ZDHHC21: variants seen among roughly 807,000 people sequenced by gnomAD.
The protein encoded by ZDHHC21 is palmitoyltransferase ZDHHC21.
A neutral mutation model predicts 34.6 loss-of-function variants in ZDHHC21; 15 were observed. That is an observed-to-expected ratio of 0.43 (90% CI 0.29 to 0.67). The LOEUF is 0.67. Ranked by LOEUF, ZDHHC21 falls within the 30% of genes least tolerant of loss-of-function variation. The pLI is 0.14. For missense variants in ZDHHC21, 344 were observed against 327.7 expected (o/e 1.05, Z -0.38); for synonymous variants, 142 against 101.8 (o/e 1.40, Z -2.38).
chr9:14,607,011 T>C (rs1237529805), downstream of ZDHHC21, among the ~76,000 whole-genome samples: 1 of 145,950 alleles, frequency 6.9e-6, no homozygotes, highest in Non-Finnish European at 1.5e-5. Context: ...AGACTTTACC[T>C]ACAGAAATAC....
chr9:14,628,338 A>T (rs1355853287), intron 8 of ZDHHC21, among the ~76,000 whole-genome samples: 1 of 152,194 alleles, frequency 6.6e-6, no homozygotes, highest in Non-Finnish European at 1.5e-5. Flanking sequence ...CACTATCAAC[A>T]GGAAGATGAG....
In ZDHHC21 at chr9:14,658,269, A is replaced by G. The variant is rs73407665; in HGVS notation, c.504+480T>C. 8.2e-3 allele frequency among the ~76,000 whole-genome samples: 1,242 copies of G among 152,218 alleles called. 15 individuals carry two copies. Among genetic ancestry groups the G allele is most frequent in the African/African-American group, 0.028 (1,174 of 41,530 alleles). On this transcript the variant is annotated intron_variant, in intron 7 of 9. Transcript: ENST00000380916. The stretch of plus-strand genomic sequence containing the variant: ...TAATAAATAACCATAAATGAATTTC[A>G]TTAAAAGGAAATGTCAGACTAGGGC...
chr9:14,638,953 T>C lies in ZDHHC21; in HGVS notation c.621+943A>G, dbSNP rs149595707. Among the ~76,000 whole-genome samples, 1,286 of 152,084 alleles carry C rather than the reference T, an allele frequency of 8.5e-3. 22 individuals carry two copies. Among genetic ancestry groups the C allele is most frequent in the African/African-American group, 0.029 (1,185 of 41,526 alleles). On this transcript the variant is annotated intron_variant, in intron 8 of 9. Transcript: ENST00000380916. ...CTAAGGAAAAGAATACTGAGAATTC[T>C]TAAAAAACTAAAAATAGAACTACCA...
the ZDHHC21 span, among the ~76,000 whole-genome samples, chr9:14,594,356 A>G: frequency 1.3e-5 from 2 of 152,252 alleles, no homozygotes. Context: ...GTATTGTTAT[A>G]ACGATAAGAA....
intron 3 of ZDHHC21, among the ~76,000 whole-genome samples, chr9:14,676,490 T>C (rs763561529): frequency 1.3e-4 from 19 of 151,984 alleles, no homozygotes; most frequent in East Asian, 1.9e-4. Flanking sequence ...CCTGCAAATA[T>C]TGGGGCAGCA....
At chr9:14,623,981 A>T (rs1279346010) in intron 8 of ZDHHC21, among the ~76,000 whole-genome samples, 1 of 152,112 alleles carries the variant, frequency 6.6e-6, no homozygotes, top group Admixed American at 6.6e-5. Flanking sequence ...TTAAAAACAA[A>T]ACTACTATAT....
intron 8 of ZDHHC21, among the ~76,000 whole-genome samples, chr9:14,636,297 A>T (rs1026234167): frequency 6.6e-6 from 1 of 152,222 alleles, no homozygotes; most frequent in African/African-American, 2.4e-5. Context: ...GCAGACTTTA[A>T]GTCAAAAATA....
chr9:14,607,056 G>A (rs1350136803), downstream of ZDHHC21, among the ~76,000 whole-genome samples: 1 of 141,038 alleles, frequency 7.1e-6, no homozygotes, highest in Non-Finnish European at 1.5e-5. Context: ...GCACAAGACT[G>A]TCCTCCATAG....
chr9:14,665,995 A>C (rs963127765), intron 5 of ZDHHC21, among the ~76,000 whole-genome samples: 57 of 150,148 alleles, frequency 3.8e-4, no homozygotes, highest in African/African-American at 1.4e-3. Flanking sequence ...TTCACACATA[A>C]CAATATTAAC....
chr9:14,646,599 C>A (rs780825796), intron 7 of ZDHHC21, among the ~76,000 whole-genome samples: 1 of 152,078 alleles, frequency 6.6e-6, no homozygotes, highest in African/African-American at 2.4e-5. Flanking sequence ...TACAACTACA[C>A]TGACCTCCTT....
At chr9:14,649,840 G>C (rs751440401) in intron 7 of ZDHHC21, among the ~76,000 whole-genome samples, 58 of 151,928 alleles carry the variant, frequency 3.8e-4, no homozygotes, top group Admixed American at 9.2e-4. Context: ...AGAAAAGTTT[G>C]GGCAATCCAA....
In ZDHHC21 at chr9:14,618,468, A is replaced by T. The variant is rs963753669; in HGVS notation, c.*498T>A. The T allele has an allele frequency of 2.0e-5, 3 of 152,576 alleles. No homozygotes were observed. Among genetic ancestry groups the T allele is most frequent in the African/African-American group, 7.2e-5 (3 of 41,454 alleles). The allele number at this position is 152,576 out of a possible 1,614,324, so 9.5% of individuals were successfully genotyped here. A position where few individuals can be genotyped will look rare whatever the true frequency, so the allele number is the denominator to read the frequency against. On this transcript the variant is annotated 3_prime_UTR_variant, in exon 10 of 10. Coordinates refer to ENST00000380916, the MANE Select transcript of ZDHHC21 (RefSeq NM_178566.6). ...GCTGCTGCATTTTTAAAAACGTTGC[A>T]GCACATTTAAAAGGAAAGGTTATTT...
chr9:14,660,052 G>T (rs1027995145), intron 6 of ZDHHC21, among the ~76,000 whole-genome samples: 11 of 151,986 alleles, frequency 7.2e-5, no homozygotes, highest in African/African-American at 2.7e-4. Context: ...AGTTCTTTTT[G>T]TAACATCTGC....
intron 8 of ZDHHC21, among the ~76,000 whole-genome samples, chr9:14,630,132 T>C (rs552737883): frequency 6.6e-6 from 1 of 152,360 alleles, no homozygotes; most frequent in African/African-American, 2.4e-5. Context: ...TAGCATGCGA[T>C]GCAATTTGAT....
chr9:14,661,538 T>C (rs1833396628), intron 6 of ZDHHC21, among the ~76,000 whole-genome samples: 1 of 152,224 alleles, frequency 6.6e-6, no homozygotes, highest in South Asian at 2.1e-4. Flanking sequence ...TACAATATCT[T>C]GTTCACAGAT....
chr9:14,648,263 T>C (rs1018408645), intron 7 of ZDHHC21, among the ~76,000 whole-genome samples: 12 of 152,274 alleles, frequency 7.9e-5, no homozygotes, highest in African/African-American at 2.9e-4. Context: ...TTTAGCAGCC[T>C]AGTAGCTGGT....
chr9:14,674,202 C>A lies in ZDHHC21; in HGVS notation c.139G>T (p.Gly47Cys). ...FPHYEEGHIP[G>C]ILIIIFYGIS... ...AGAAACTTACTTATTATTAATATGCCTGGAATATGTCCTTCTTCATAGTGA... is the reference window on the plus strand; with the variant it reads ...AGAAACTTACTTATTATTAATATGCATGGAATATGTCCTTCTTCATAGTGA... The change falls in exon 4 of 10, where the codon GGC becomes TGC. Residue 47 changes from glycine to cysteine, a missense_variant. Physicochemically the swap from Gly to Cys is radical, Grantham distance 159. Transcript: ENST00000380916. 2 of 1,512,378 alleles carry A rather than the reference C, an allele frequency of 1.3e-6. No homozygotes were observed. Among genetic ancestry groups the A allele is most frequent in the South Asian group, 1.4e-5 (1 of 70,620 alleles). The allele number at this position is 1,512,378 out of a possible 1,614,324, so 93.7% of individuals were successfully genotyped here. A position where few individuals can be genotyped will look rare whatever the true frequency, so the allele number is the denominator to read the frequency against.
intron 6 of ZDHHC21, 91 bp from the exon 7 acceptor site, chr9:14,658,978 C>G: frequency 7.7e-7 from 1 of 1,300,066 alleles, no homozygotes. Context: ...CAAATAATAT[C>G]ACATATGCTT....
intron 4 of ZDHHC21, 86 bp from the exon 5 acceptor site, chr9:14,673,014 T>A (rs1458832279): frequency 1.2e-6 from 1 of 857,680 alleles, no homozygotes; most frequent in Non-Finnish European, 1.7e-6. Flanking sequence ...AAAATGTATA[T>A]TTTAACAAAC....
Sources: gnomAD v4.1 joint callset for allele counts (sites outside exome capture counted in the v4.1 genomes callset) on GRCh38, gnomAD v4.1.1 for gene constraint, MANE v1.5 for transcripts, NCBI Gene and HGNC (gene_info 2026-07-23, HGNC 2026-07-21) for gene names.